MBNL2: variants seen among roughly 807,000 people sequenced by gnomAD.
MBNL2 encodes muscleblind like splicing regulator 2, also known as muscleblind-like protein 2.
A neutral mutation model predicts 41.9 loss-of-function variants in MBNL2; 17 were observed. The observed-to-expected ratio is 0.41, with a 90% confidence interval of 0.28 to 0.61. The LOEUF (loss-of-function observed/expected upper bound fraction) is 0.61, where lower values mean the gene tolerates loss of function less well. Ranked by LOEUF, MBNL2 falls within the 20% of genes least tolerant of loss-of-function variation. The pLI is 0.35. For synonymous variants in MBNL2, 195 were observed against 182.9 expected (o/e 1.07, Z -0.53); for missense variants, 336 against 505.6 (o/e 0.66, Z 3.22).
rs111539060 is a variant in MBNL2 at position 97,331,851 on chromosome 13, C to T, written c.175-2425C>T. Among the ~76,000 whole-genome samples the T allele has an allele frequency of 8.0e-3, 1,221 of 152,284 alleles. 10 individuals are homozygous for T. Among genetic ancestry groups the T allele is most frequent in the Middle Eastern group, 0.014 (4 of 294 alleles). ...AGGTTTCATTGATAAACTACTAATT[C>T]AATGTTGTAAAATACTTTCTATTAG... On this transcript the variant is annotated intron_variant, in intron 2 of 8. Transcript: ENST00000679496.
the MBNL2 span, among the ~76,000 whole-genome samples, chr13:97,209,286 G>A: frequency 3.9e-5 from 6 of 152,230 alleles, no homozygotes; most frequent in East Asian, 1.9e-4. Context: ...AATAGAGTAC[G>A]AATCTTTGCT....
At chr13:97,228,072 T>TG (rs1159684700) in intron 1 of MBNL2, among the ~76,000 whole-genome samples, 4 of 152,220 alleles carry the variant, frequency 2.6e-5, no homozygotes, top group South Asian at 4.2e-4. Flanking sequence ...TACAGGGAGT[T>TG]GGGGGGGAAA....
intron 1 of MBNL2, among the ~76,000 whole-genome samples, chr13:97,246,876 T>C (rs2045576246): frequency 6.6e-6 from 1 of 152,216 alleles, no homozygotes. Flanking sequence ...CTTAATATAC[T>C]TATTGCTGTT....
the MBNL2 span, among the ~76,000 whole-genome samples, chr13:97,181,767 C>T: frequency 6.6e-6 from 1 of 152,192 alleles, no homozygotes; most frequent in East Asian, 1.9e-4. Context: ...CACATCTTGA[C>T]TGACATTGTT....
the MBNL2 span, among the ~76,000 whole-genome samples, chr13:97,150,790 A>G: frequency 1.3e-5 from 2 of 152,176 alleles, no homozygotes; most frequent in African/African-American, 2.4e-5. Context: ...TTGGGATTAC[A>G]TCTGTCAGCC....
chr13:97,238,600 G>A (rs2043721292), intron 1 of MBNL2, among the ~76,000 whole-genome samples: 1 of 152,156 alleles, frequency 6.6e-6, no homozygotes, highest in African/African-American at 2.4e-5. Flanking sequence ...TCTGACCTTT[G>A]GGAAAGTCCC....
Position 97,269,221 on chromosome 13 carries a change from G to A in MBNL2, c.-604-6411G>A, listed in dbSNP as rs184768173. 1.5e-4 allele frequency among the ~76,000 whole-genome samples: 23 copies of A among 152,228 alleles called. No individual in the cohort carries two copies. The East Asian group carries it at 3.7e-3, about 24-fold the overall frequency. Reference sequence around the variant, plus strand: ...ACCAAAAAAGTCAAAAGAAGTGAAAGAAATGGAAGCTAAAACACACCAGTG... The same window carrying A: ...ACCAAAAAAGTCAAAAGAAGTGAAAAAAATGGAAGCTAAAACACACCAGTG... On this transcript the variant is annotated intron_variant, in intron 1 of 8. Transcript: ENST00000679496.
the MBNL2 span, among the ~76,000 whole-genome samples, chr13:97,215,625 G>A: frequency 1.3e-5 from 2 of 152,170 alleles, no homozygotes; most frequent in African/African-American, 2.4e-5. Flanking sequence ...AGTTAAGCAT[G>A]TAAGAAAAAT....
At chr13:97,320,489 C>A (rs2059412448) in intron 2 of MBNL2, among the ~76,000 whole-genome samples, 1 of 151,804 alleles carries the variant, frequency 6.6e-6, no homozygotes. Context: ...ATCTCCGGAC[C>A]TCATGATCCA....
chr13:97,279,884 AT>A (rs2053000651), intron 2 of MBNL2, among the ~76,000 whole-genome samples: 1 of 152,228 alleles, frequency 6.6e-6, no homozygotes, highest in Admixed American at 6.5e-5. Context: ...ATTTTGGAAA[AT>A]ATAGTACAGT....
the MBNL2 span, among the ~76,000 whole-genome samples, chr13:97,177,100 G>A: frequency 6.6e-6 from 1 of 152,184 alleles, no homozygotes; most frequent in Non-Finnish European, 1.5e-5. Flanking sequence ...CACTTTGGGA[G>A]GCTGAGTCAG....
chr13:97,143,696 A>G, the MBNL2 span, among the ~76,000 whole-genome samples: 5 of 152,230 alleles, frequency 3.3e-5, no homozygotes, highest in Non-Finnish European at 5.9e-5. Flanking sequence ...CATTCTAACT[A>G]TGATTGATAC....
chr13:97,295,632 G>T (rs1375653162), intron 2 of MBNL2, among the ~76,000 whole-genome samples: 3 of 152,124 alleles, frequency 2.0e-5, no homozygotes, highest in African/African-American at 7.2e-5. Context: ...ACCCTACCCA[G>T]CTGGCAAGCT....
At chr13:97,149,001 G>T in the MBNL2 span, among the ~76,000 whole-genome samples, 1 of 152,220 alleles carries the variant, frequency 6.6e-6, no homozygotes, top group Non-Finnish European at 1.5e-5. Flanking sequence ...TGAACTTGGG[G>T]ACTTTCCACG....
At chr13:97,282,383 T>C (rs1489921042) in intron 2 of MBNL2, among the ~76,000 whole-genome samples, 1 of 151,962 alleles carries the variant, frequency 6.6e-6, no homozygotes, top group African/African-American at 2.4e-5. Flanking sequence ...TAAAAAACCA[T>C]TGTAAAATAG....
At chr13:97,339,179 GTATT>G (rs1451661169) in intron 3 of MBNL2, among the ~76,000 whole-genome samples, 1 of 145,138 alleles carries the variant, frequency 6.9e-6, no homozygotes, top group African/African-American at 2.5e-5. Context: ...GTATGAGTAT[GTATT>G]GTGTATATGA....
chr13:97,196,682 G>A, the MBNL2 span, among the ~76,000 whole-genome samples: 1 of 152,150 alleles, frequency 6.6e-6, no homozygotes, highest in Non-Finnish European at 1.5e-5. Flanking sequence ...GAGTGTCCGG[G>A]TGATGAATCC....
chr13:97,172,361 G>A, the MBNL2 span: 8 of 152,180 alleles, frequency 5.3e-5, no homozygotes, highest in African/African-American at 1.9e-4. Flanking sequence ...ATTCTGATTT[G>A]GATGTCAAAT....
chr13:97,300,273 A>T (rs1594178855), intron 2 of MBNL2, among the ~76,000 whole-genome samples: 1 of 152,240 alleles, frequency 6.6e-6, no homozygotes, highest in Non-Finnish European at 1.5e-5. Flanking sequence ...ACCCAACCAT[A>T]GCTCAATGAC....
Sources: allele counts gnomAD v4.1 joint callset (sites outside exome capture counted in the v4.1 genomes callset), GRCh38; gene constraint gnomAD v4.1.1; transcripts MANE v1.5; gene names NCBI Gene and HGNC (gene_info 2026-07-23, HGNC 2026-07-21).